Variants in RBFOX1 observed in about 807,000 individuals in gnomAD.
RBFOX1 encodes RNA binding protein fox-1 homolog 1.
Under a neutral mutation model 57.7 loss-of-function variants are expected in RBFOX1, and 8 were observed. The ratio of observed to expected loss-of-function variants is 0.14; its 90% CI spans 0.08 to 0.25. RBFOX1 has a LOEUF of 0.25. RBFOX1 is among the 10% of genes least tolerant of loss of function. The pLI is 1.00. For missense variants in RBFOX1, 611 were observed against 548.5 expected (o/e 1.11, Z -1.14); for synonymous variants, 326 against 222.4 (o/e 1.47, Z -4.15).
At chr16:5,353,371 T>TG (rs2065307089) in intron 1 of RBFOX1, among the ~76,000 whole-genome samples, 1 of 112,854 alleles carries the variant, frequency 8.9e-6, no homozygotes, top group Admixed American at 9.6e-5. Context: ...GAGTAGTGTC[T>TG]GAAAAAAAAA....
At chr16:6,822,953 C>G (rs181293847) in intron 3 of RBFOX1, among the ~76,000 whole-genome samples, 21 of 152,224 alleles carry the variant, frequency 1.4e-4, no homozygotes, top group African/African-American at 4.8e-4. Context: ...CATTAGAGTT[C>G]ATGGACAAAA....
chr16:7,653,939 C>T lies in RBFOX1; in HGVS notation c.882C>T (p.Ala294=). Residue 294 remains alanine, a synonymous_variant, in exon 12 of 16, where the codon GCC becomes GCT. Transcript: ENST00000550418. Reference sequence around the variant, plus strand: ...CGGCGCCCCCGCCCCCGATCCCGGCCTACGGCGGGTAAGTGGGGCAGCCTC... The same window carrying T: ...CGGCGCCCCCGCCCCCGATCCCGGCTTACGGCGGGTAAGTGGGGCAGCCTC... ...RAAAPPPPIP[A]YGGVVYQDGF... is the part of the protein sequence containing the mutation. 2 of 1,531,178 alleles carry T rather than the reference C, an allele frequency of 1.3e-6. No individual in the cohort carries two copies. Among genetic ancestry groups the T allele is most frequent in the Non-Finnish European group, 1.7e-6 (2 of 1,146,704 alleles). The allele number at this position is 1,531,178 out of a possible 1,614,324, so 94.8% of individuals were successfully genotyped here.
At chr16:7,192,530 C>G (rs1039867980) in intron 4 of RBFOX1, among the ~76,000 whole-genome samples, 3 of 152,132 alleles carry the variant, frequency 2.0e-5, no homozygotes, top group African/African-American at 7.2e-5. Context: ...GAAGCATCAA[C>G]TGTGAGAAGA....
chr16:6,251,797 G>C (rs947667755), intron 1 of RBFOX1, among the ~76,000 whole-genome samples: 3 of 151,946 alleles, frequency 2.0e-5, no homozygotes, highest in Non-Finnish European at 4.4e-5. Flanking sequence ...TTCACTTCGG[G>C]ACTTCTCAAA....
chr16:5,881,052 T>C (rs1319697696), intron 4 of RBFOX1, among the ~76,000 whole-genome samples: 1 of 152,232 alleles, frequency 6.6e-6, no homozygotes, highest in Non-Finnish European at 1.5e-5. Flanking sequence ...TTGTGTCTTA[T>C]ATTTAAAGGG....
At chr16:6,478,404 TATATATATATATATATATATATATA>T (rs1567368044) in intron 2 of RBFOX1, among the ~76,000 whole-genome samples, 14 of 16,982 alleles carry the variant, frequency 8.2e-4, no homozygotes, top group African/African-American at 4.2e-3. Context: ...TATATATATA[TATATATATATATATATATATATATA>T]TTTTTTTTTT....
intron 2 of RBFOX1, among the ~76,000 whole-genome samples, chr16:6,565,293 G>T (rs1234781147): frequency 4.0e-5 from 6 of 148,642 alleles, no homozygotes; most frequent in South Asian, 2.1e-4. Flanking sequence ...GTCTCACTCT[G>T]TTGCCCAGGC....
chr16:6,744,041 A>C (rs1195339591), intron 3 of RBFOX1, among the ~76,000 whole-genome samples: 2 of 152,092 alleles, frequency 1.3e-5, no homozygotes, highest in African/African-American at 2.4e-5. Context: ...TTTAAAAAGT[A>C]ATAAAGATAC....
chr16:7,672,967 AGT>A (rs2072048534), intron 13 of RBFOX1, among the ~76,000 whole-genome samples: 1 of 151,532 alleles, frequency 6.6e-6, no homozygotes, highest in Non-Finnish European at 1.5e-5. Context: ...ATAAGATTTA[AGT>A]TGTATGTGTA....
intron 12 of RBFOX1, among the ~76,000 whole-genome samples, chr16:7,656,465 G>T (rs1361922405): frequency 2.0e-5 from 3 of 151,724 alleles, no homozygotes; most frequent in Non-Finnish European, 4.4e-5. Flanking sequence ...CCCCTATCTT[G>T]TGTTCAGGGA....
At chr16:7,592,452 G>C (rs933072535) in intron 7 of RBFOX1, among the ~76,000 whole-genome samples, 2 of 152,158 alleles carry the variant, frequency 1.3e-5, no homozygotes, top group Admixed American at 1.3e-4. Context: ...TGTTGGACAG[G>C]AGGGTGAGTG....
chr16:6,990,078 A>C (rs146250918), intron 3 of RBFOX1, among the ~76,000 whole-genome samples: 1 of 152,208 alleles, frequency 6.6e-6, no homozygotes, highest in African/African-American at 2.4e-5. Flanking sequence ...ATACTCTTCA[A>C]GAGGTCAGAT....
chr16:6,849,013 C>T (rs1008873135), intron 3 of RBFOX1, among the ~76,000 whole-genome samples: 1 of 152,154 alleles, frequency 6.6e-6, no homozygotes, highest in Non-Finnish European at 1.5e-5. Flanking sequence ...TTTAGGTAGT[C>T]CCACCATTGG....
intron 3 of RBFOX1, among the ~76,000 whole-genome samples, chr16:7,006,554 G>A (rs182032026): frequency 2.6e-5 from 4 of 152,156 alleles, no homozygotes; most frequent in Admixed American, 2.0e-4. Context: ...GGCTCAAGCA[G>A]TCCTCCCACC....
rs1408218971 is a variant in RBFOX1, at chr16:6,861,351, G to C, written c.-15-190706G>C. 6.6e-5 allele frequency among the ~76,000 whole-genome samples: 10 copies of C among 152,188 alleles called. No individual in the cohort carries two copies. In the South Asian group the frequency reaches 2.1e-3, roughly 32 times the overall value. ...AGATTGTTAAGGGCAGATGAGTAAA[G>C]AGATGCAGTACCCTCAATCTACAAG... On this transcript the variant is annotated intron_variant, in intron 3 of 15. Coordinates refer to ENST00000550418, the MANE Select transcript of RBFOX1 (RefSeq NM_018723.4).
intron 3 of RBFOX1, among the ~76,000 whole-genome samples, chr16:5,723,276 A>G (rs2052003429): frequency 6.6e-6 from 1 of 152,098 alleles, no homozygotes; most frequent in Non-Finnish European, 1.5e-5. Flanking sequence ...ACCAGAGTCC[A>G]TTTTCTCATT....
rs149905961 is a variant in RBFOX1 at position 5,345,884 on chromosome 16, T to C, written c.219+105779T>C. On this transcript the variant is annotated intron_variant, in intron 1 of 2. Coordinates refer to the RBFOX1 transcript ENST00000585867. ...GGGCTGGTGAGGAGATATTTTAGGA[T>C]AGGTTCACCCTCCAGAAGCTCCCCA... Among the ~76,000 whole-genome samples, 435 of 152,254 alleles carry C rather than the reference T, an allele frequency of 2.9e-3. 2 individuals carry two copies. Among genetic ancestry groups the C allele is most frequent in the African/African-American group, 1.0e-2 (414 of 41,550 alleles).
chr16:5,255,176 A>T (rs1256734877), intron 1 of RBFOX1, among the ~76,000 whole-genome samples: 5 of 152,134 alleles, frequency 3.3e-5, no homozygotes, highest in Non-Finnish European at 7.4e-5. Flanking sequence ...ATTACCCATA[A>T]TCATGAGTAT....
intron 15 of RBFOX1, chr16:7,709,972 C>T: frequency 9.9e-7 from 1 of 1,007,156 alleles, no homozygotes; most frequent in Non-Finnish European, 1.2e-6. Context: ...ATTTGAATTG[C>T]CAATACTTTT....
Sources: allele counts gnomAD v4.1 joint callset (sites outside exome capture counted in the v4.1 genomes callset), GRCh38; gene constraint gnomAD v4.1.1; transcripts MANE v1.5; gene names NCBI Gene and HGNC (gene_info 2026-07-23, HGNC 2026-07-21).